ANO3: variants seen among roughly 807,000 people sequenced by gnomAD.
The protein encoded by ANO3 is anoctamin 3.
A neutral mutation model predicts 144.8 loss-of-function variants in ANO3; 99 were observed. The ratio of observed to expected loss-of-function variants is 0.68; its 90% confidence interval spans 0.58 to 0.81. The LOEUF is 0.81. Among genes scored for constraint, ANO3 ranks in the 30% least tolerant of loss-of-function variants. ANO3 has a pLI of 0.00. For missense variants in ANO3, 905 were observed against 1,202.2 expected (o/e 0.75, Z 3.66); for synonymous variants, 414 against 392.6 (o/e 1.05, Z -0.64).
chr11:26,377,202 A>G (rs1319035958), intron 1 of ANO3, among the ~76,000 whole-genome samples: 1 of 152,164 alleles, frequency 6.6e-6, no homozygotes, highest in Non-Finnish European at 1.5e-5. Context: ...CATTTCCACA[A>G]ATAACAATAC....
intron 14 of ANO3, among the ~76,000 whole-genome samples, chr11:26,578,948 C>T (rs1851060585): frequency 1.3e-5 from 2 of 152,286 alleles, no homozygotes; most frequent in South Asian, 2.1e-4. Context: ...TGAGATGAAG[C>T]GTACTGTTAT....
chr11:26,551,955 G>A (rs1222065703), intron 12 of ANO3, among the ~76,000 whole-genome samples: 1 of 151,902 alleles, frequency 6.6e-6, no homozygotes, highest in Non-Finnish European at 1.5e-5. Flanking sequence ...ATTATTACTT[G>A]ATAGAAAAGT....
At chr11:26,366,122 C>T (rs991991805) in intron 1 of ANO3, among the ~76,000 whole-genome samples, 18 of 151,854 alleles carry the variant, frequency 1.2e-4, no homozygotes, top group Admixed American at 3.3e-4. Context: ...TTAGGTATAT[C>T]TCCTAATGCT....
intron 20 of ANO3, among the ~76,000 whole-genome samples, chr11:26,635,961 G>C (rs532992939): frequency 5.5e-4 from 83 of 152,262 alleles, no homozygotes; most frequent in Non-Finnish European, 1.1e-3. Flanking sequence ...ACTTTAGGAG[G>C]CCAAGGCAGG....
chr11:26,365,979 TATATATATATATATATA>T (rs1183427614), intron 1 of ANO3, among the ~76,000 whole-genome samples: 1,364 of 24,998 alleles, frequency 0.055, 40 homozygotes, highest in Admixed American at 0.071. Flanking sequence ...TATATATATA[TATATATATATATATATA>T]TATATATTTT....
chr11:26,574,405 C>T (rs1396967412), intron 14 of ANO3, among the ~76,000 whole-genome samples: 1 of 152,116 alleles, frequency 6.6e-6, no homozygotes, highest in Non-Finnish European at 1.5e-5. Flanking sequence ...AGCATCAAAT[C>T]TTGATGCTGA....
intron 1 of ANO3, among the ~76,000 whole-genome samples, chr11:26,261,721 A>G (rs555273304): frequency 2.6e-5 from 4 of 152,252 alleles, no homozygotes; most frequent in Non-Finnish European, 5.9e-5. Context: ...GAATCTCAAT[A>G]GACTTTGCCA....
chr11:26,202,843 C>A (rs1564915131), intron 1 of ANO3, among the ~76,000 whole-genome samples: 1 of 152,010 alleles, frequency 6.6e-6, no homozygotes, highest in Non-Finnish European at 1.5e-5. Context: ...TTATGATTAT[C>A]TTAGGCTAAC....
rs555657963 is a variant in ANO3, at chr11:26,509,111, A to C, written c.591+849A>C. Among the ~76,000 whole-genome samples, 894 of 150,662 alleles carry C rather than the reference A, an allele frequency of 5.9e-3. 3 individuals carry two copies. Among genetic ancestry groups the C allele is most frequent in the African/African-American group, 0.014 (566 of 41,222 alleles). On this transcript the variant is annotated intron_variant, in intron 5 of 26. Transcript: ENST00000256737. ...CACATCTATCTCTCTCTCTCTATATATATATATATATTATTCTGCTGTTCA... is the reference window on the plus strand; with the variant it reads ...CACATCTATCTCTCTCTCTCTATATCTATATATATATTATTCTGCTGTTCA...
At chr11:26,331,116 A>C (rs566662131), upstream of ANO3, among the ~76,000 whole-genome samples, 21 of 152,150 alleles carry the variant, frequency 1.4e-4, no homozygotes, top group Non-Finnish European at 2.5e-4. Context: ...AAGTTACTTC[A>C]AAGTGGGAGC....
At chr11:26,360,148 GT>G (rs5790574) in intron 1 of ANO3, among the ~76,000 whole-genome samples, 3 of 135,972 alleles carry the variant, frequency 2.2e-5, no homozygotes, top group African/African-American at 8.3e-5. Context: ...CTTTTTATAA[GT>G]TTTTTTTTCT....
intron 1 of ANO3, among the ~76,000 whole-genome samples, chr11:26,219,239 A>C (rs539203798): frequency 6.6e-6 from 1 of 152,338 alleles, no homozygotes; most frequent in Non-Finnish European, 1.5e-5. Flanking sequence ...GATATTTTAA[A>C]AATTCTTTTC....
chr11:26,240,314 G>T (rs1852635289), intron 1 of ANO3, among the ~76,000 whole-genome samples: 1 of 152,164 alleles, frequency 6.6e-6, no homozygotes, highest in Admixed American at 6.5e-5. Flanking sequence ...ATAACCAGAA[G>T]TTGTGCATAA....
intron 1 of ANO3, among the ~76,000 whole-genome samples, chr11:26,324,443 T>A (rs985332639): frequency 2.0e-5 from 3 of 152,134 alleles, no homozygotes; most frequent in Non-Finnish European, 4.4e-5. Flanking sequence ...TATCACAACA[T>A]TTAAGGAAAT....
intron 1 of ANO3, among the ~76,000 whole-genome samples, chr11:26,193,903 C>G (rs777234411): frequency 1.3e-5 from 2 of 152,128 alleles, no homozygotes; most frequent in African/African-American, 2.4e-5. Context: ...TACCTGGACT[C>G]TAGAGCCAGA....
intron 1 of ANO3, among the ~76,000 whole-genome samples, chr11:26,236,494 G>A (rs889936734): frequency 6.6e-6 from 1 of 152,232 alleles, no homozygotes; most frequent in Admixed American, 6.5e-5. Context: ...CATATCCTGT[G>A]AGATTTGATG....
In ANO3 at chr11:26,552,996, T is replaced by G. The variant is rs3105885; in HGVS notation, c.1290-253T>G. On this transcript the variant is annotated intron_variant, in intron 12 of 26. Coordinates refer to ENST00000256737, the MANE Select transcript of ANO3 (RefSeq NM_031418.4). ...TGTCATTGTAGACAAAGTTTCACCA[T>G]TTATCACACAATTATCTTGACAGCA... Among the ~76,000 whole-genome samples the G allele has an allele frequency of 0.66, 100,143 of 151,892 alleles. 33,331 individuals are homozygous for G. Among genetic ancestry groups the G allele is most frequent in the East Asian group, 0.83 (4,252 of 5,136 alleles).
chr11:26,363,857 A>T (rs1294583157), intron 1 of ANO3, among the ~76,000 whole-genome samples: 2 of 151,706 alleles, frequency 1.3e-5, no homozygotes, highest in African/African-American at 4.8e-5. Flanking sequence ...AAACCAATTG[A>T]CCTAACTCAT....
intron 1 of ANO3, among the ~76,000 whole-genome samples, chr11:26,400,114 G>T (rs1318731812): frequency 1.6e-5 from 2 of 128,586 alleles, no homozygotes; most frequent in Non-Finnish European, 3.1e-5. Context: ...TTTTGTTTTT[G>T]TTTTTGTTGT....
Sources: allele counts gnomAD v4.1 joint callset (sites outside exome capture counted in the v4.1 genomes callset), GRCh38; gene constraint gnomAD v4.1.1; transcripts MANE v1.5; gene names NCBI Gene and HGNC (gene_info 2026-07-23, HGNC 2026-07-21).